MAF: variants seen among roughly 807,000 people sequenced by gnomAD.
The protein encoded by MAF is MAF bZIP transcription factor.
A neutral mutation model predicts 22.0 loss-of-function variants in MAF; 10 were observed. The observed-to-expected ratio is 0.45, with a 90% confidence interval of 0.28 to 0.77. MAF has a LOEUF of 0.77. MAF is among the 30% of genes least tolerant of loss of function. MAF has a pLI of 0.12. For missense variants in MAF, 544 were observed against 548.4 expected, an observed-to-expected ratio of 0.99 and a Z score of 0.08; for synonymous variants, 337 against 255.8, an observed-to-expected ratio of 1.32 and a Z score of -3.03.
chr16:79,595,768 A>C (rs1247871515), intron 1 of MAF: 1 of 1,056,860 alleles, frequency 9.5e-7, no homozygotes, highest in Non-Finnish European at 1.1e-6. Context: ...ATCTGAAATC[A>C]TTACTAGCTC....
the MAF span, among the ~76,000 whole-genome samples, chr16:79,488,564 C>A: frequency 6.6e-6 from 1 of 152,186 alleles, no homozygotes; most frequent in Non-Finnish European, 1.5e-5. Context: ...AACATGCTAT[C>A]TGGATCACAG....
the MAF span, among the ~76,000 whole-genome samples, chr16:79,473,760 C>A: frequency 6.6e-6 from 1 of 152,078 alleles, no homozygotes. Flanking sequence ...GCAAGCTCTG[C>A]CGACTGAAAT....
chr16:79,567,920 T>C, the MAF span, among the ~76,000 whole-genome samples: 1 of 152,230 alleles, frequency 6.6e-6, no homozygotes, highest in Non-Finnish European at 1.5e-5. Context: ...AAGTTAAGCT[T>C]AATGTACAAA....
the MAF span, among the ~76,000 whole-genome samples, chr16:79,421,344 T>C: frequency 6.6e-6 from 1 of 152,226 alleles, no homozygotes; most frequent in Non-Finnish European, 1.5e-5. Context: ...GCCATGTTCC[T>C]GCCCTGAAAA....
chr16:79,456,113 C>T, the MAF span, among the ~76,000 whole-genome samples: 651 of 152,258 alleles, frequency 4.3e-3, 19 homozygotes, highest in Admixed American at 0.034. Flanking sequence ...GGGAGTTAAA[C>T]GCTGCCCATG....
chr16:79,572,868 A>T, the MAF span, among the ~76,000 whole-genome samples: 1 of 152,206 alleles, frequency 6.6e-6, no homozygotes, highest in African/African-American at 2.4e-5. Flanking sequence ...GTGTATAAAA[A>T]GGTGTTATGT....
the MAF span, chr16:79,211,589 TTTC>T: frequency 5.0e-6 from 8 of 1,613,850 alleles, no homozygotes; most frequent in African/African-American, 5.3e-5. Flanking sequence ...TTTTTTTGTC[TTTC>T]TTCTTGGATT....
At chr16:79,516,357 C>G in the MAF span, 127,034 of 151,760 alleles carry the variant, frequency 0.84, 53,437 homozygotes, top group East Asian at 0.92. Context: ...TTTAGCTCAA[C>G]TTCCCATGGC....
At chr16:79,317,561 T>C in the MAF span, among the ~76,000 whole-genome samples, 12 of 151,916 alleles carry the variant, frequency 7.9e-5, no homozygotes, top group Admixed American at 5.9e-4. Flanking sequence ...CTTCCTTCTT[T>C]CCATCTTTAC....
the MAF span, among the ~76,000 whole-genome samples, chr16:79,418,396 G>A: frequency 6.6e-6 from 1 of 152,014 alleles, no homozygotes; most frequent in Admixed American, 6.5e-5. Context: ...CCTACGTTGG[G>A]GCTGGGGACG....
At chr16:79,398,970 A>C in the MAF span, among the ~76,000 whole-genome samples, 2 of 152,104 alleles carry the variant, frequency 1.3e-5, no homozygotes, top group Non-Finnish European at 1.5e-5. Context: ...CATCTCCCTT[A>C]CTGGACTGTG....
At chr16:79,431,051 A>T in the MAF span, among the ~76,000 whole-genome samples, 2 of 151,988 alleles carry the variant, frequency 1.3e-5, no homozygotes, top group Non-Finnish European at 2.9e-5. Context: ...CATCCTGGGG[A>T]CCTGCAGATC....
the MAF span, among the ~76,000 whole-genome samples, chr16:79,278,638 C>G: frequency 6.6e-6 from 1 of 152,134 alleles, no homozygotes; most frequent in South Asian, 2.1e-4. Context: ...CTGTTTCTAG[C>G]CTCCTTGAGT....
chr16:79,313,703 AC>A, the MAF span, among the ~76,000 whole-genome samples: 1 of 151,708 alleles, frequency 6.6e-6, no homozygotes, highest in Non-Finnish European at 1.5e-5. Flanking sequence ...CTTCTGTGGA[AC>A]CCTAAGCCCC....
the MAF span, among the ~76,000 whole-genome samples, chr16:79,462,777 A>C: frequency 6.6e-6 from 1 of 152,190 alleles, no homozygotes; most frequent in Admixed American, 6.5e-5. Context: ...TTGGGCACCT[A>C]CTAAATGCCA....
At chr16:79,271,341 C>T in the MAF span, among the ~76,000 whole-genome samples, 3 of 152,182 alleles carry the variant, frequency 2.0e-5, no homozygotes, top group African/African-American at 7.2e-5. Flanking sequence ...AATAAAATTT[C>T]CCAGCCTCCC....
the MAF span, among the ~76,000 whole-genome samples, chr16:79,305,506 T>G: frequency 6.6e-6 from 1 of 152,090 alleles, no homozygotes; most frequent in African/African-American, 2.4e-5. Context: ...TTCTCTGTGG[T>G]TCACAGCTGA....
intron 1 of MAF, 143 bp from the exon 2 acceptor site, chr16:79,594,696 T>A: frequency 1.4e-6 from 2 of 1,454,176 alleles, no homozygotes; most frequent in Admixed American, 2.7e-5. Flanking sequence ...ACTCAGGATT[T>A]AGGAGTTCTT....
At chr16:79,315,803 C>T in the MAF span, among the ~76,000 whole-genome samples, 4 of 152,378 alleles carry the variant, frequency 2.6e-5, no homozygotes, top group South Asian at 8.3e-4. Flanking sequence ...CAAGTCCCGT[C>T]CTCTCCACTA....
Sources: allele counts gnomAD v4.1 joint callset (sites outside exome capture counted in the v4.1 genomes callset), GRCh38; gene constraint gnomAD v4.1.1; transcripts MANE v1.5; gene names NCBI Gene and HGNC (gene_info 2026-07-23, HGNC 2026-07-21).